The following LRRC8D variants were observed in gnomAD, a reference collection of about 807,000 sequenced individuals.
LRRC8D encodes the protein volume-regulated anion channel subunit LRRC8D.
A neutral mutation model predicts 55.8 loss-of-function variants in LRRC8D; 20 were observed. The observed-to-expected ratio is 0.36, with a 90% CI of 0.25 to 0.52. LRRC8D has a LOEUF of 0.52. Ranked by LOEUF, LRRC8D falls within the 20% of genes least tolerant of loss-of-function variation. The probability of loss-of-function intolerance (pLI) is 0.93; values close to 1 mark genes in which losing one functional copy is unlikely to be tolerated. For synonymous variants in LRRC8D, 352 were observed against 377.0 expected (o/e 0.93, Z 0.77); for missense variants, 651 against 1,030.8 (o/e 0.63, Z 5.05).
chr1:89,920,995 A>G (rs905389760), intron 2 of LRRC8D, among the ~76,000 whole-genome samples: 58 of 152,342 alleles, frequency 3.8e-4, no homozygotes, highest in African/African-American at 1.3e-3. Flanking sequence ...CAGGTTGACC[A>G]AGAGGGCTAA....
intron 1 of LRRC8D, among the ~76,000 whole-genome samples, chr1:89,839,226 C>G (rs569261921): frequency 1.1e-4 from 17 of 152,272 alleles, no homozygotes; most frequent in African/African-American, 3.6e-4. Context: ...GAAGGTAGTT[C>G]TGAGAATTCA....
At chr1:89,891,687 C>G (rs1419357581) in intron 2 of LRRC8D, among the ~76,000 whole-genome samples, 3 of 152,196 alleles carry the variant, frequency 2.0e-5, no homozygotes, top group Non-Finnish European at 2.9e-5. Context: ...ATAATGATAA[C>G]CACAATAATG....
At chr1:89,869,214 C>A (rs867989366) in intron 2 of LRRC8D, among the ~76,000 whole-genome samples, 1 of 152,038 alleles carries the variant, frequency 6.6e-6, no homozygotes, top group Non-Finnish European at 1.5e-5. Context: ...GCCAACACTG[C>A]GTTATTTTGA....
intron 2 of LRRC8D, among the ~76,000 whole-genome samples, chr1:89,856,132 A>G (rs895232812): frequency 6.6e-6 from 1 of 152,172 alleles, no homozygotes; most frequent in South Asian, 2.1e-4. Flanking sequence ...ACAGCAATGG[A>G]AAATAGCCTT....
At chr1:89,889,140 T>C (rs973973269) in intron 2 of LRRC8D, among the ~76,000 whole-genome samples, 4 of 152,146 alleles carry the variant, frequency 2.6e-5, no homozygotes, top group Admixed American at 6.5e-5. Flanking sequence ...TTATGCTTGA[T>C]ATGATGTGAT....
chr1:89,823,472 T>G (rs545226759), intron 1 of LRRC8D, among the ~76,000 whole-genome samples: 66 of 152,372 alleles, frequency 4.3e-4, no homozygotes, highest in African/African-American at 1.5e-3. Flanking sequence ...ATTGTTTTGG[T>G]AGCTATAGTT....
intron 2 of LRRC8D, among the ~76,000 whole-genome samples, chr1:89,906,884 C>G (rs149094606): frequency 6.6e-6 from 1 of 151,940 alleles, no homozygotes; most frequent in African/African-American, 2.4e-5. Flanking sequence ...TTTTCCTGTT[C>G]GTTGCATTCC....
intron 2 of LRRC8D, among the ~76,000 whole-genome samples, chr1:89,860,522 G>A (rs1468622029): frequency 6.6e-6 from 1 of 151,688 alleles, no homozygotes; most frequent in Non-Finnish European, 1.5e-5. Flanking sequence ...CACTTTGTGA[G>A]GCCAGGGCGG....
chr1:89,881,431 A>AC (rs1437472380), intron 2 of LRRC8D, among the ~76,000 whole-genome samples: 1 of 151,882 alleles, frequency 6.6e-6, no homozygotes, highest in Non-Finnish European at 1.5e-5. Context: ...TAAACTAAGG[A>AC]CCCCCCTGAG....
chr1:89,871,521 A>G (rs1254237373), intron 2 of LRRC8D, among the ~76,000 whole-genome samples: 1 of 152,218 alleles, frequency 6.6e-6, no homozygotes, highest in Non-Finnish European at 1.5e-5. Flanking sequence ...CAGAATATGA[A>G]GTTTATGATT....
Position 89,935,433 on chromosome 1 carries a change from T to C in LRRC8D, c.2365T>C (p.Ser789Pro). 1 of 1,614,200 alleles carries C rather than the reference T, an allele frequency of 6.2e-7. No homozygotes were observed. The highest frequency in any genetic ancestry group is 8.5e-7 in the Non-Finnish European group (1 of 1,180,028). Residue 789 changes from serine to proline, a missense_variant, in exon 3 of 3, where the codon TCA becomes CCA. Coordinates refer to ENST00000337338, the MANE Select transcript of LRRC8D (RefSeq NM_001134479.2). ...GAATCTGGGACAGAACTGCATCACC[T>C]CACTCCCAGAGAAAGTTGGTCAGCT... ...TLNLGQNCIT[S>P]LPEKVGQLSQ...
chr1:89,931,029 C>G (rs995519426), intron 2 of LRRC8D, among the ~76,000 whole-genome samples: 6 of 85,236 alleles, frequency 7.0e-5, no homozygotes, highest in African/African-American at 2.5e-4. Context: ...TTTTTTTTTA[C>G]AAAGACTGGT....
intron 1 of LRRC8D, among the ~76,000 whole-genome samples, chr1:89,841,905 C>A (rs1490582831): frequency 2.0e-5 from 3 of 152,148 alleles, no homozygotes; most frequent in Non-Finnish European, 4.4e-5. Flanking sequence ...CTGTGCTGGA[C>A]TTTCTCCCTA....
At chr1:89,869,637 A>G (rs1204719148) in intron 2 of LRRC8D, among the ~76,000 whole-genome samples, 2 of 152,192 alleles carry the variant, frequency 1.3e-5, no homozygotes, top group Admixed American at 6.5e-5. Flanking sequence ...CAAGAAGAGC[A>G]ACCACAAGAC....
intron 2 of LRRC8D, among the ~76,000 whole-genome samples, chr1:89,865,411 A>C (rs1661818981): frequency 6.7e-6 from 1 of 150,122 alleles, no homozygotes; most frequent in Admixed American, 6.6e-5. Flanking sequence ...TAAAATCGCA[A>C]ATACAAATAA....
intron 2 of LRRC8D, among the ~76,000 whole-genome samples, chr1:89,884,550 A>G (rs1454864918): frequency 6.6e-6 from 1 of 152,212 alleles, no homozygotes; most frequent in Non-Finnish European, 1.5e-5. Flanking sequence ...CTGTTTTTTC[A>G]GGCGTTGACA....
At chr1:89,908,470 CA>C (rs1663051371) in intron 2 of LRRC8D, among the ~76,000 whole-genome samples, 1 of 152,132 alleles carries the variant, frequency 6.6e-6, no homozygotes, top group South Asian at 2.1e-4. Flanking sequence ...CAGAGTCCCT[CA>C]GGGGTGTTGT....
Position 89,859,812 on chromosome 1 carries a change from G to T in LRRC8D, c.-3+16030G>T, listed in dbSNP as rs1047367011. 7.9e-5 allele frequency among the ~76,000 whole-genome samples: 12 copies of T among 152,296 alleles called. No homozygotes were observed. The East Asian group carries it at 1.2e-3, about 15-fold the overall frequency. On this transcript the variant is annotated intron_variant, in intron 2 of 2. Coordinates refer to ENST00000337338, the MANE Select transcript of LRRC8D (RefSeq NM_001134479.2). ...GCACGGAAGCCAGTACACAATCTAG[G>T]TATTAGAGCAGTGCATTGACAGAGA... is the stretch of plus-strand genomic sequence containing the variant.
At chr1:89,872,537 T>G (rs548572644) in intron 2 of LRRC8D, among the ~76,000 whole-genome samples, 26 of 152,358 alleles carry the variant, frequency 1.7e-4, no homozygotes, top group African/African-American at 6.0e-4. Flanking sequence ...TGGTCCATTC[T>G]GCTTTCCCCA....
Sources: allele counts gnomAD v4.1 joint callset (sites outside exome capture counted in the v4.1 genomes callset), GRCh38; gene constraint gnomAD v4.1.1; transcripts MANE v1.5; gene names NCBI Gene and HGNC (gene_info 2026-07-23, HGNC 2026-07-21).